AEBP2: variants seen among roughly 807,000 people sequenced by gnomAD.
The protein encoded by AEBP2 is zinc finger protein AEBP2.
A neutral mutation model predicts 50.8 loss-of-function variants in AEBP2; 10 were observed. That is an observed-to-expected ratio of 0.20 (90% CI 0.12 to 0.33). The LOEUF is 0.33. AEBP2 is among the 10% of genes least tolerant of loss of function. The probability of loss-of-function intolerance (pLI) is 1.00; values close to 1 mark genes in which losing one functional copy is unlikely to be tolerated. For synonymous variants in AEBP2, 296 were observed against 261.3 expected (o/e 1.13, Z -1.28); for missense variants, 570 against 688.0 (o/e 0.83, Z 1.92).
At chr12:19,472,406 C>T (rs2153372166) in intron 2 of AEBP2, among the ~76,000 whole-genome samples, 1 of 152,196 alleles carries the variant, frequency 6.6e-6, no homozygotes, top group East Asian at 1.9e-4. Flanking sequence ...ATGGAAATAG[C>T]ATCAGTTAGG....
intron 1 of AEBP2, among the ~76,000 whole-genome samples, chr12:19,432,002 G>A (rs1451397636): frequency 6.6e-6 from 1 of 152,164 alleles, no homozygotes; most frequent in African/African-American, 2.4e-5. Context: ...AGTCTAAGCT[G>A]GGTCTGTTGC....
At chr12:19,457,221 A>G in intron 1 of AEBP2, 1 of 1,598,462 alleles carries the variant, frequency 6.3e-7, no homozygotes, top group South Asian at 1.1e-5. Context: ...TGTAAGCCAA[A>G]AGGGCATGCT....
Position 19,465,116 on chromosome 12 carries a change from C to T in AEBP2, c.879+2399C>T, listed in dbSNP as rs770321983. ...GATTTTAAGAGTGATGCTGTTTGGC[C>T]GGGCGCGGTGGCTCGTGCCTATAAT... On this transcript the variant is annotated intron_variant, in intron 2 of 7. Coordinates refer to ENST00000266508, the MANE Select transcript of AEBP2 (RefSeq NM_153207.5). 4.6e-5 allele frequency among the ~76,000 whole-genome samples: 7 copies of T among 151,962 alleles called. No individual in the cohort carries two copies. The South Asian group carries it at 8.4e-4, about 18-fold the overall frequency.
chr12:19,406,896 G>C lies in AEBP2; in HGVS notation c.-17+2680G>C, dbSNP rs577738179. ...TTGTGAAGGATGTAAGGTCTGTCTAGTTTCATATTTTGCATGTGGATGTCC... is the reference window on the plus strand; with the variant it reads ...TTGTGAAGGATGTAAGGTCTGTCTACTTTCATATTTTGCATGTGGATGTCC... On this transcript the variant is annotated intron_variant, in intron 1 of 3. Coordinates refer to the AEBP2 transcript ENST00000538425. Among the ~76,000 whole-genome samples, 13 of 152,180 alleles carry C rather than the reference G, an allele frequency of 8.5e-5. No individual in the cohort carries two copies. In the East Asian group the frequency reaches 2.3e-3, roughly 27 times the overall value.
Position 19,471,102 on chromosome 12 carries a change from G to C in AEBP2, c.880-2146G>C, listed in dbSNP as rs374811279. Among the ~76,000 whole-genome samples, 12 of 152,146 alleles carry C rather than the reference G, an allele frequency of 7.9e-5. No homozygotes were observed. In the East Asian group the frequency reaches 1.9e-3, roughly 25 times the overall value. On this transcript the variant is annotated intron_variant, in intron 2 of 7. Coordinates refer to ENST00000266508, the MANE Select transcript of AEBP2 (RefSeq NM_153207.5). ...TACTTGGATTGCAGAGTAACACTTT[G>C]AATCTAGTAGTAGTTGTGTTTTTTT...
intron 1 of AEBP2, among the ~76,000 whole-genome samples, chr12:19,450,897 A>G (rs895559150): frequency 1.2e-4 from 18 of 150,638 alleles, no homozygotes; most frequent in Admixed American, 3.3e-4. Flanking sequence ...TATTAGTGCC[A>G]TTTTGATGTA....
At chr12:19,500,578 T>G (rs1949053535) in intron 5 of AEBP2, among the ~76,000 whole-genome samples, 1 of 152,196 alleles carries the variant, frequency 6.6e-6, no homozygotes, top group South Asian at 2.1e-4. Flanking sequence ...AGACTCCTTT[T>G]ACCTCTAAAA....
chr12:19,514,779 A>T lies in AEBP2; in HGVS notation c.1476A>T (p.Ile492=). 6.3e-7 allele frequency: 1 copy of T among 1,599,640 alleles called. No homozygotes were observed. Among genetic ancestry groups the T allele is most frequent in the Non-Finnish European group, 8.5e-7 (1 of 1,172,102 alleles). The change falls in exon 7 of 8, where the codon ATA becomes ATT. Residue 492 remains isoleucine (I), a synonymous_variant. Coordinates refer to ENST00000266508, the MANE Select transcript of AEBP2 (RefSeq NM_153207.5). The part of the protein sequence containing the change: ...KDTALLLDPN[I]YRTMPQKRLK... ...CTGCCTTGCTTTTGGACCCAAACAT[A>T]TACAGGTAATTTAATTCTTGCCTTT...
intron 4 of AEBP2, among the ~76,000 whole-genome samples, chr12:19,496,373 G>T (rs987627437): frequency 1.4e-4 from 22 of 152,040 alleles, no homozygotes; most frequent in Non-Finnish European, 2.9e-4. Context: ...AGGAGAATGG[G>T]GTTAGTCCTG....
chr12:19,416,654 C>T (rs1436770287), intron 1 of AEBP2, among the ~76,000 whole-genome samples: 8 of 147,556 alleles, frequency 5.4e-5, no homozygotes, highest in Admixed American at 2.7e-4. Context: ...GACAGAGTCT[C>T]GTTCTGTCGC....
chr12:19,493,769 C>A, intron 3 of AEBP2, 31 bp from the exon 4 acceptor site: 2 of 1,603,726 alleles, frequency 1.2e-6, no homozygotes, highest in Non-Finnish European at 1.7e-6. Flanking sequence ...CACAGCATGC[C>A]TGACGTTATT....
intron 1 of AEBP2, among the ~76,000 whole-genome samples, chr12:19,428,172 G>C (rs1036347145): frequency 3.2e-4 from 49 of 152,140 alleles, no homozygotes; most frequent in African/African-American, 1.1e-3. Context: ...GGAGGTCAAG[G>C]CAGCAATGAG....
rs1949380914 is a variant in AEBP2 at position 19,520,431 on chromosome 12, A to G, written c.*2314A>G. 1 of 152,210 alleles carries G rather than the reference A, an allele frequency of 6.6e-6. No homozygotes were observed. Among genetic ancestry groups the G allele is most frequent in the Admixed American group, 6.5e-5 (1 of 15,270 alleles). The allele number at this position is 152,210 out of a possible 1,614,324, so 9.4% of individuals were successfully genotyped here. ...TTGCTGCTTATCTGATGTTGGTTTG[A>G]TACTGTTAACACACCAAAAAGAATA... On this transcript the variant is annotated 3_prime_UTR_variant, in exon 8 of 8. Coordinates refer to ENST00000266508, the MANE Select transcript of AEBP2 (RefSeq NM_153207.5).
intron 1 of AEBP2, chr12:19,456,603 A>G: frequency 6.5e-7 from 1 of 1,528,004 alleles, no homozygotes; most frequent in Non-Finnish European, 9.0e-7. Flanking sequence ...CAGGATAATC[A>G]CCTGAGCAGT....
chr12:19,428,660 CA>C (rs1190104465), intron 1 of AEBP2, among the ~76,000 whole-genome samples: 2 of 152,178 alleles, frequency 1.3e-5, no homozygotes, highest in East Asian at 3.9e-4. Context: ...AAAAATACAA[CA>C]AATTAGCTGG....
intron 5 of AEBP2, among the ~76,000 whole-genome samples, chr12:19,504,860 A>T (rs1949133708): frequency 1.3e-5 from 2 of 152,214 alleles, no homozygotes; most frequent in Admixed American, 1.3e-4. Context: ...TAAAGGTAGA[A>T]TTGTATATTT....
At position 19,415,316 on chromosome 12, in the gene AEBP2, CAAAAAAAAAAAAAAAAAAAA is replaced by C. The variant is rs869125193; in HGVS notation, c.-17+11116_-17+11135del. ...TGATAGACGGAATGAGACCCTGTCTCAAAAAAAAAAAAAAAAAAAAAAAAAAAAAAAAAAATATATATATA... is the reference window on the plus strand; with the variant it reads ...TGATAGACGGAATGAGACCCTGTCTCAAAAAAAAAAAAAAATATATATATA... On this transcript the variant is annotated intron_variant, in intron 1 of 3. Coordinates refer to the AEBP2 transcript ENST00000538425. 3.9e-3 allele frequency among the ~76,000 whole-genome samples: 232 copies of C among 59,496 alleles called. 2 individuals carry two copies. Among genetic ancestry groups the C allele is most frequent in the African/African-American group, 0.018 (219 of 11,934 alleles). The allele number at this position is 59,496 out of a possible 152,430, so 39.0% of individuals were successfully genotyped here.
chr12:19,518,080 T>C lies in AEBP2; in HGVS notation c.1482-7T>C. On this transcript the variant is annotated splice_region_variant and splice_polypyrimidine_tract_variant and intron_variant, in intron 7 of 7. Coordinates refer to ENST00000266508, the MANE Select transcript of AEBP2 (RefSeq NM_153207.5). The stretch of plus-strand genomic sequence containing the variant: ...GAATAAAAGGATTTCTTTTTCTCTT[T>C]TTCTAGAACAATGCCGCAGAAGAGG... 6.3e-6 allele frequency: 10 copies of C among 1,596,600 alleles called. No homozygotes were observed. The highest frequency in any genetic ancestry group is 1.3e-5 in the African/African-American group (1 of 74,452).
intron 3 of AEBP2, among the ~76,000 whole-genome samples, chr12:19,475,529 A>G (rs541252013): frequency 2.0e-5 from 3 of 152,122 alleles, no homozygotes; most frequent in East Asian, 1.9e-4. Flanking sequence ...TGTGTGTGCA[A>G]GTGTCTTTTT....
Sources: allele counts gnomAD v4.1 joint callset (sites outside exome capture counted in the v4.1 genomes callset), GRCh38; gene constraint gnomAD v4.1.1; transcripts MANE v1.5; gene names NCBI Gene and HGNC (gene_info 2026-07-23, HGNC 2026-07-21).